Variants in RAB28 observed in about 807,000 individuals in gnomAD.
The protein encoded by RAB28 is ras-related protein Rab-28.
In RAB28, 24 loss-of-function variants were observed where a neutral mutation model predicts 31.7. That is an observed-to-expected ratio of 0.76 (90% confidence interval 0.55 to 1.06). The LOEUF (loss-of-function observed/expected upper bound fraction) is 1.06, where lower values mean the gene tolerates loss of function less well. RAB28 is among the 50% of genes least tolerant of loss of function. The probability of loss-of-function intolerance (pLI) is 0.00; values close to 1 mark genes in which losing one functional copy is unlikely to be tolerated. For synonymous variants in RAB28, 100 were observed against 90.4 expected (o/e 1.11, Z -0.60); for missense variants, 254 against 258.5 (o/e 0.98, Z 0.12).
At chr4:13,471,168 T>C (rs1013169086) in intron 3 of RAB28, among the ~76,000 whole-genome samples, 2 of 152,094 alleles carry the variant, frequency 1.3e-5, no homozygotes, top group Non-Finnish European at 2.9e-5. Context: ...TGTCCTGTAG[T>C]ATATCAAAAT....
chr4:13,411,798 G>A (rs116038573), intron 4 of RAB28, among the ~76,000 whole-genome samples: 2,553 of 151,530 alleles, frequency 0.017, 68 homozygotes, highest in African/African-American at 0.058. Flanking sequence ...CAAAAACAAG[G>A]GAGGAGAAAA....
chr4:13,382,083 GA>G (rs1330509508), intron 4 of RAB28, among the ~76,000 whole-genome samples: 1 of 152,208 alleles, frequency 6.6e-6, no homozygotes, highest in Non-Finnish European at 1.5e-5. Context: ...TTCTGCTTAA[GA>G]GATCAATATT....
At chr4:13,417,892 G>A (rs1295228326) in intron 4 of RAB28, among the ~76,000 whole-genome samples, 1 of 152,216 alleles carries the variant, frequency 6.6e-6, no homozygotes, top group Admixed American at 6.5e-5. Context: ...GCTTGATGGA[G>A]AATGACTTTG....
intron 6 of RAB28, chr4:13,370,120 C>A (rs1035868672): frequency 2.0e-6 from 2 of 977,170 alleles, no homozygotes; most frequent in Non-Finnish European, 2.4e-6. Flanking sequence ...CACACACACA[C>A]GCACACACAA....
intron 4 of RAB28, among the ~76,000 whole-genome samples, chr4:13,402,516 T>C (rs1711827906): frequency 6.6e-6 from 1 of 152,188 alleles, no homozygotes; most frequent in Non-Finnish European, 1.5e-5. Flanking sequence ...GCTACAAAAT[T>C]CCTTGTTTCT....
intron 4 of RAB28, among the ~76,000 whole-genome samples, chr4:13,415,032 C>T (rs1387707510): frequency 6.6e-6 from 1 of 152,062 alleles, no homozygotes; most frequent in Admixed American, 6.5e-5. Context: ...AGTAGTTATT[C>T]AAAACTGTTC....
At chr4:13,439,201 T>C (rs796624118) in intron 4 of RAB28, among the ~76,000 whole-genome samples, 4 of 151,634 alleles carry the variant, frequency 2.6e-5, no homozygotes, top group African/African-American at 9.8e-5. Flanking sequence ...AAATATTTTC[T>C]CTCTCTACAG....
chr4:13,442,532 AAATATT>A (rs2108942556), intron 4 of RAB28, among the ~76,000 whole-genome samples: 1 of 151,820 alleles, frequency 6.6e-6, no homozygotes, highest in East Asian at 1.9e-4. Flanking sequence ...CTTGGCTTCT[AAATATT>A]AATTATAACC....
intron 4 of RAB28, among the ~76,000 whole-genome samples, chr4:13,443,779 T>A (rs1351829872): frequency 2.6e-5 from 4 of 152,118 alleles, no homozygotes; most frequent in Non-Finnish European, 5.9e-5. Context: ...GTACAATAGA[T>A]CCCCAGAACT....
At chr4:13,369,772 C>A in intron 6 of RAB28, 2 of 1,128,804 alleles carry the variant, frequency 1.8e-6, no homozygotes, top group Non-Finnish European at 1.2e-6. Flanking sequence ...GTACAATAAT[C>A]ATCTGAACTT....
chr4:13,390,062 C>A (rs2108889714), intron 4 of RAB28, among the ~76,000 whole-genome samples: 1 of 152,074 alleles, frequency 6.6e-6, no homozygotes, highest in East Asian at 1.9e-4. Context: ...GGCCGAGCAA[C>A]CAGGCAAGAG....
At chr4:13,369,188 T>G (rs1043542196) in intron 6 of RAB28, among the ~76,000 whole-genome samples, 9 of 152,226 alleles carry the variant, frequency 5.9e-5, no homozygotes, top group Non-Finnish European at 1.0e-4. Flanking sequence ...TTAAATCTTT[T>G]CCAACTTCTA....
chr4:13,481,087 T>C (rs950402983), intron 1 of RAB28, among the ~76,000 whole-genome samples: 2 of 152,036 alleles, frequency 1.3e-5, no homozygotes, highest in Non-Finnish European at 2.9e-5. Context: ...TTTGAGATAA[T>C]TTTTCACTTT....
intron 4 of RAB28, among the ~76,000 whole-genome samples, chr4:13,402,453 T>A (rs1711823229): frequency 6.6e-6 from 1 of 152,230 alleles, no homozygotes; most frequent in African/African-American, 2.4e-5. Flanking sequence ...TTAGAATTGT[T>A]ATACCTTTTT....
intron 3 of RAB28, among the ~76,000 whole-genome samples, chr4:13,461,084 A>G (rs1715567480): frequency 6.6e-6 from 1 of 152,236 alleles, no homozygotes; most frequent in Non-Finnish European, 1.5e-5. Context: ...TGGTCTTCCA[A>G]TAAGATATCT....
intron 4 of RAB28, among the ~76,000 whole-genome samples, chr4:13,427,700 G>A (rs1281758133): frequency 6.6e-6 from 1 of 152,194 alleles, no homozygotes; most frequent in Non-Finnish European, 1.5e-5. Flanking sequence ...TAAGAACCAG[G>A]AAGCTGCAAT....
intron 5 of RAB28, among the ~76,000 whole-genome samples, chr4:13,378,245 T>C (rs1352004146): frequency 6.6e-6 from 1 of 152,152 alleles, no homozygotes; most frequent in African/African-American, 2.4e-5. Context: ...CAGGAGGCGT[T>C]GTATCCTGGA....
intron 4 of RAB28, among the ~76,000 whole-genome samples, chr4:13,436,867 A>G (rs73229694): frequency 0.014 from 2,099 of 152,308 alleles, 24 homozygotes; most frequent in Middle Eastern, 0.044. Flanking sequence ...ACAATTCTAA[A>G]ATTCGTATGG....
intron 4 of RAB28, among the ~76,000 whole-genome samples, chr4:13,444,030 T>C (rs34086406): frequency 0.06 from 9,138 of 151,650 alleles, 636 homozygotes; most frequent in African/African-American, 0.17. Flanking sequence ...TTTTTTTTTT[T>C]TTTCTTTTTT....
Sources: gnomAD v4.1 joint callset for allele counts (sites outside exome capture counted in the v4.1 genomes callset) on GRCh38, gnomAD v4.1.1 for gene constraint, MANE v1.5 for transcripts, NCBI Gene and HGNC (gene_info 2026-07-23, HGNC 2026-07-21) for gene names.